The following SLC9A9 variants were observed in gnomAD, a reference collection of about 807,000 sequenced individuals.
The protein encoded by SLC9A9 is solute carrier family 9 member A9, also known as sodium/hydrogen exchanger 9.
Under a neutral mutation model 77.8 loss-of-function variants are expected in SLC9A9, and 62 were observed. That is an observed-to-expected ratio of 0.80 (90% confidence interval 0.65 to 0.98). The LOEUF is 0.98. Among genes scored for constraint, SLC9A9 ranks in the 50% least tolerant of loss-of-function variants. The probability of loss-of-function intolerance (pLI) is 0.00; values close to 1 mark genes in which losing one functional copy is unlikely to be tolerated. For synonymous variants in SLC9A9, 320 were observed against 283.5 expected (o/e 1.13, Z -1.29); for missense variants, 775 against 774.9 (o/e 1.00, Z 0.00).
chr3:143,637,794 G>C (rs1371735095), intron 6 of SLC9A9, among the ~76,000 whole-genome samples: 1 of 152,136 alleles, frequency 6.6e-6, no homozygotes, highest in African/African-American at 2.4e-5. Context: ...TATAAAACTA[G>C]TAAATAATAA....
chr3:143,678,155 C>T (rs944100120), intron 5 of SLC9A9, among the ~76,000 whole-genome samples: 7 of 152,066 alleles, frequency 4.6e-5, no homozygotes, highest in South Asian at 4.1e-4. Flanking sequence ...TCAGTGTTTC[C>T]GTTACTTACT....
At chr3:143,801,954 G>A (rs555203526) in intron 2 of SLC9A9, among the ~76,000 whole-genome samples, 16 of 152,108 alleles carry the variant, frequency 1.1e-4, no homozygotes, top group African/African-American at 2.9e-4. Flanking sequence ...TCTCAAGGCC[G>A]CTTTACTTCC....
At chr3:143,794,127 G>A (rs539300801) in intron 4 of SLC9A9, among the ~76,000 whole-genome samples, 1 of 152,300 alleles carries the variant, frequency 6.6e-6, no homozygotes, top group South Asian at 2.1e-4. Context: ...GACACCGCCT[G>A]ACACTTCCTT....
intron 5 of SLC9A9, among the ~76,000 whole-genome samples, chr3:143,659,858 C>T (rs1208109055): frequency 6.6e-6 from 1 of 152,082 alleles, no homozygotes; most frequent in African/African-American, 2.4e-5. Flanking sequence ...TGGAAGGGAC[C>T]CTGTGGGAGG....
At chr3:143,661,975 T>A (rs1176685006) in intron 5 of SLC9A9, among the ~76,000 whole-genome samples, 7 of 152,214 alleles carry the variant, frequency 4.6e-5, no homozygotes, top group Admixed American at 2.6e-4. Flanking sequence ...ACTCTGCTGC[T>A]CTTGTTCTTG....
At chr3:143,446,145 TG>T (rs758333709) in intron 12 of SLC9A9, among the ~76,000 whole-genome samples, 83 of 151,818 alleles carry the variant, frequency 5.5e-4, no homozygotes, top group Admixed American at 1.8e-3. Context: ...GACAAAATAA[TG>T]ATATGAGGGA....
intron 4 of SLC9A9, among the ~76,000 whole-genome samples, chr3:143,776,072 T>C (rs2007679603): frequency 6.6e-6 from 1 of 152,214 alleles, no homozygotes; most frequent in African/African-American, 2.4e-5. Flanking sequence ...ATCTTTATCA[T>C]GTTCTAAATA....
intron 13 of SLC9A9, among the ~76,000 whole-genome samples, chr3:143,374,616 A>C (rs923169859): frequency 3.3e-5 from 5 of 151,788 alleles, no homozygotes; most frequent in African/African-American, 1.2e-4. Flanking sequence ...TTTTATGTTA[A>C]ATTTTTAAAT....
intron 14 of SLC9A9, among the ~76,000 whole-genome samples, chr3:143,344,800 G>A (rs537937307): frequency 4.6e-5 from 7 of 152,144 alleles, no homozygotes; most frequent in African/African-American, 1.7e-4. Context: ...ACCCTGTGCA[G>A]TATTTTACAC....
chr3:143,474,582 A>G (rs2108575107), intron 11 of SLC9A9, among the ~76,000 whole-genome samples: 1 of 152,008 alleles, frequency 6.6e-6, no homozygotes, highest in South Asian at 2.1e-4. Flanking sequence ...AGAATTGGGG[A>G]AGCCCAGGGG....
chr3:143,602,601 TTTAAAAGACTAGGAAATATAGA>T (rs1333149011), intron 6 of SLC9A9, among the ~76,000 whole-genome samples: 2 of 152,368 alleles, frequency 1.3e-5, no homozygotes, highest in Non-Finnish European at 2.9e-5. Context: ...AATAATTTCT[TTTAAAAGACTAGGAAATATAGA>T]CACAAATGGG....
intron 8 of SLC9A9, among the ~76,000 whole-genome samples, chr3:143,557,606 A>G (rs561388594): frequency 1.3e-5 from 2 of 152,298 alleles, no homozygotes; most frequent in Admixed American, 6.5e-5. Context: ...TGATAGTGAT[A>G]TGGACAATGA....
intron 4 of SLC9A9, among the ~76,000 whole-genome samples, chr3:143,758,743 G>T (rs1310491589): frequency 6.6e-6 from 1 of 152,070 alleles, no homozygotes; most frequent in Non-Finnish European, 1.5e-5. Flanking sequence ...AGACTAGCAG[G>T]GCTGAGGGGA....
At chr3:143,693,520 T>C (rs954154883) in intron 4 of SLC9A9, among the ~76,000 whole-genome samples, 4 of 152,144 alleles carry the variant, frequency 2.6e-5, no homozygotes, top group African/African-American at 9.7e-5. Context: ...ATTCACTTGG[T>C]AAAAGGTAAT....
chr3:143,266,758 G>C lies in SLC9A9; in HGVS notation c.1882C>G (p.Leu628Val). 6.2e-7 allele frequency: 1 copy of C among 1,614,194 alleles called. No homozygotes were observed. The change falls in exon 16 of 16, where the codon CTG (leucine) becomes GTG (valine). Residue 628 changes from leucine to valine, a missense_variant. Leu to Val is a conservative substitution (Grantham distance 32, BLOSUM62 1). Transcript: ENST00000316549. ...TCAAGCTTGAGTTCATAGCCTCCCAGGCCGAGGTCTCCCTCATAAATGTTT... is the reference window on the plus strand; with the variant it reads ...TCAAGCTTGAGTTCATAGCCTCCCACGCCGAGGTCTCCCTCATAAATGTTT... ...KENIYEGDLG[L>V]GGYELKLEQT...
At chr3:143,687,285 T>C (rs746655494) in intron 5 of SLC9A9, among the ~76,000 whole-genome samples, 9 of 152,302 alleles carry the variant, frequency 5.9e-5, no homozygotes, top group Admixed American at 2.0e-4. Flanking sequence ...AATTTTTAAA[T>C]GGCCAAGAAA....
At chr3:143,355,802 T>C (rs1482977694) in intron 14 of SLC9A9, among the ~76,000 whole-genome samples, 7 of 152,228 alleles carry the variant, frequency 4.6e-5, no homozygotes, top group Admixed American at 4.6e-4. Context: ...GAAAGTCTAA[T>C]GTGGTGCTTT....
chr3:143,280,425 C>T (rs1413768084), intron 14 of SLC9A9, among the ~76,000 whole-genome samples: 1 of 149,830 alleles, frequency 6.7e-6, no homozygotes, highest in Non-Finnish European at 1.5e-5. Flanking sequence ...CAAGGAGAGC[C>T]CTTTGTCTTT....
intron 4 of SLC9A9, among the ~76,000 whole-genome samples, chr3:143,744,351 G>A (rs1037945609): frequency 1.7e-4 from 26 of 152,108 alleles, no homozygotes; most frequent in African/African-American, 5.6e-4. Flanking sequence ...GACATCCCTC[G>A]TGGTGCCTCT....
Sources: allele counts gnomAD v4.1 joint callset (sites outside exome capture counted in the v4.1 genomes callset), GRCh38; gene constraint gnomAD v4.1.1; transcripts MANE v1.5; gene names NCBI Gene and HGNC (gene_info 2026-07-23, HGNC 2026-07-21).